KCNIP1: variants seen among roughly 807,000 people sequenced by gnomAD.
The protein encoded by KCNIP1 is potassium voltage-gated channel interacting protein 1, also known as A-type potassium channel modulatory protein KCNIP1.
A neutral mutation model predicts 33.0 loss-of-function variants in KCNIP1; 18 were observed. That is an observed-to-expected ratio of 0.55 (90% CI 0.38 to 0.81). KCNIP1 has a LOEUF of 0.81. KCNIP1 is among the 30% of genes least tolerant of loss of function. KCNIP1 has a pLI of 0.00. For missense variants in KCNIP1, 238 were observed against 271.6 expected, an observed-to-expected ratio of 0.88 and a Z score of 0.87; for synonymous variants, 93 against 98.3, an observed-to-expected ratio of 0.95 and a Z score of 0.32.
chr5:170,581,006 C>G (rs139211809), intron 1 of KCNIP1, among the ~76,000 whole-genome samples: 2 of 152,112 alleles, frequency 1.3e-5, no homozygotes, highest in African/African-American at 4.8e-5. Flanking sequence ...ACTTCTGACC[C>G]CAAGTATAAG....
intron 1 of KCNIP1, among the ~76,000 whole-genome samples, chr5:170,682,976 C>T (rs1762409794): frequency 6.6e-6 from 1 of 151,888 alleles, no homozygotes; most frequent in Non-Finnish European, 1.5e-5. Flanking sequence ...GAAATATTCC[C>T]CTGCTCTTCC....
At chr5:170,703,674 G>T (rs760086338) in intron 1 of KCNIP1, among the ~76,000 whole-genome samples, 1 of 137,614 alleles carries the variant, frequency 7.3e-6, no homozygotes, top group Non-Finnish European at 1.5e-5. Context: ...CTGCCAGATT[G>T]TGATTTCTGA....
At chr5:170,627,575 C>A (rs993904574) in intron 1 of KCNIP1, among the ~76,000 whole-genome samples, 3 of 152,256 alleles carry the variant, frequency 2.0e-5, no homozygotes, top group African/African-American at 7.2e-5. Flanking sequence ...CCCTGGCTGA[C>A]CCCACAGATG....
chr5:170,693,753 T>C (rs1277151856), intron 1 of KCNIP1, among the ~76,000 whole-genome samples: 1 of 152,244 alleles, frequency 6.6e-6, no homozygotes, highest in Non-Finnish European at 1.5e-5. Flanking sequence ...TCATATCACG[T>C]GAGCTGCATT....
At chr5:170,570,306 A>T (rs189029753) in intron 1 of KCNIP1, among the ~76,000 whole-genome samples, 6 of 152,222 alleles carry the variant, frequency 3.9e-5, no homozygotes, top group Non-Finnish European at 8.8e-5. Context: ...CATGCTTTTC[A>T]TAATAATCAT....
intron 1 of KCNIP1, among the ~76,000 whole-genome samples, chr5:170,395,588 C>G (rs889616034): frequency 6.6e-6 from 1 of 152,162 alleles, no homozygotes; most frequent in Non-Finnish European, 1.5e-5. Context: ...CATGAATGGA[C>G]AGGTATAAGG....
intron 1 of KCNIP1, among the ~76,000 whole-genome samples, chr5:170,663,615 A>G (rs10475947): frequency 0.096 from 14,542 of 152,032 alleles, 1,299 homozygotes; most frequent in African/African-American, 0.24. Flanking sequence ...TCATCTTACA[A>G]TCTGTCCTGC....
intron 1 of KCNIP1, among the ~76,000 whole-genome samples, chr5:170,357,407 C>A (rs1024497868): frequency 4.6e-5 from 7 of 152,304 alleles, no homozygotes; most frequent in African/African-American, 1.7e-4. Context: ...GGTTGAGAGC[C>A]CCTCCGGGCT....
At chr5:170,526,623 C>A (rs1022571177) in intron 1 of KCNIP1, among the ~76,000 whole-genome samples, 2 of 151,838 alleles carry the variant, frequency 1.3e-5, no homozygotes, top group Admixed American at 1.3e-4. Flanking sequence ...ACTGAGGTGT[C>A]ATCAGCTGCT....
intron 1 of KCNIP1, among the ~76,000 whole-genome samples, chr5:170,470,659 ATG>A (rs2113133198): frequency 6.6e-6 from 1 of 152,322 alleles, no homozygotes; most frequent in South Asian, 2.1e-4. Flanking sequence ...CATGGAGACT[ATG>A]TGTTGGTTTG....
chr5:170,490,201 G>T (rs1757178417), intron 1 of KCNIP1, among the ~76,000 whole-genome samples: 1 of 152,214 alleles, frequency 6.6e-6, no homozygotes. Context: ...CAAAGTGAAG[G>T]CATTCAAAAT....
chr5:170,676,872 T>G (rs181338889), intron 1 of KCNIP1, among the ~76,000 whole-genome samples: 1 of 152,202 alleles, frequency 6.6e-6, no homozygotes, highest in Admixed American at 6.5e-5. Context: ...AGGCCAATAC[T>G]CAAGTGAAGT....
At chr5:170,384,612 G>A (rs1279514191) in intron 1 of KCNIP1, among the ~76,000 whole-genome samples, 8 of 152,324 alleles carry the variant, frequency 5.3e-5, no homozygotes, top group African/African-American at 1.9e-4. Context: ...GTCAGAAGGG[G>A]GCTGTCAGCT....
chr5:170,386,897 C>T (rs1355254852), intron 1 of KCNIP1, among the ~76,000 whole-genome samples: 1 of 151,944 alleles, frequency 6.6e-6, no homozygotes, highest in Non-Finnish European at 1.5e-5. Context: ...TTGACTCCAC[C>T]CCAATGCAAG....
At chr5:170,615,940 C>T (rs1025902944) in intron 1 of KCNIP1, among the ~76,000 whole-genome samples, 3 of 152,242 alleles carry the variant, frequency 2.0e-5, no homozygotes, top group Admixed American at 2.0e-4. Flanking sequence ...TATTATTTTT[C>T]CTCCAGAAAG....
intron 1 of KCNIP1, among the ~76,000 whole-genome samples, chr5:170,458,044 C>A (rs915907917): frequency 6.6e-6 from 1 of 152,072 alleles, no homozygotes; most frequent in Non-Finnish European, 1.5e-5. Context: ...TATAGAAATG[C>A]AAAAGGCTCT....
chr5:170,443,647 C>CT (rs1756044063), intron 1 of KCNIP1, among the ~76,000 whole-genome samples: 1 of 152,242 alleles, frequency 6.6e-6, no homozygotes, highest in African/African-American at 2.4e-5. Flanking sequence ...CTCCTGTCCT[C>CT]GTCCTGAGTT....
chr5:170,433,219 C>T (rs1755783684), intron 1 of KCNIP1, among the ~76,000 whole-genome samples: 1 of 152,148 alleles, frequency 6.6e-6, no homozygotes, highest in African/African-American at 2.4e-5. Flanking sequence ...TGGAGTCTCG[C>T]TCTGTCACCC....
At chr5:170,595,176 G>T (rs930322691) in intron 1 of KCNIP1, among the ~76,000 whole-genome samples, 3 of 152,198 alleles carry the variant, frequency 2.0e-5, no homozygotes, top group African/African-American at 7.2e-5. Context: ...CTTGTCTGGG[G>T]TTGGGGACTG....
Sources: gnomAD v4.1 joint callset for allele counts (sites outside exome capture counted in the v4.1 genomes callset) on GRCh38, gnomAD v4.1.1 for gene constraint, MANE v1.5 for transcripts, NCBI Gene and HGNC (gene_info 2026-07-23, HGNC 2026-07-21) for gene names.